Variants in GHR observed in about 807,000 individuals in gnomAD.
GHR encodes the protein GH receptor.
Under a neutral mutation model 67.1 loss-of-function variants are expected in GHR, and 35 were observed. The ratio of observed to expected loss-of-function variants is 0.52; its 90% CI spans 0.40 to 0.69. GHR has a LOEUF of 0.69. Among genes scored for constraint, GHR ranks in the 30% least tolerant of loss-of-function variants. The pLI is 0.00. For synonymous variants in GHR, 272 were observed against 269.1 expected (o/e 1.01, Z -0.10); for missense variants, 792 against 764.6 (o/e 1.04, Z -0.42).
chr5:42,519,067 G>A (rs1339805198), intron 1 of GHR, among the ~76,000 whole-genome samples: 1 of 152,142 alleles, frequency 6.6e-6, no homozygotes, highest in East Asian at 1.9e-4. Flanking sequence ...AGACCTCACT[G>A]AAACCAGATG....
intron 1 of GHR, among the ~76,000 whole-genome samples, chr5:42,535,639 G>C (rs555111608): frequency 6.6e-6 from 1 of 151,982 alleles, no homozygotes; most frequent in East Asian, 1.9e-4. Context: ...TGGATATGCA[G>C]GCTCTTTTTT....
chr5:42,493,988 TA>T (rs1345718211), intron 1 of GHR, among the ~76,000 whole-genome samples: 1 of 152,140 alleles, frequency 6.6e-6, no homozygotes, highest in East Asian at 1.9e-4. Flanking sequence ...AAATGAACCT[TA>T]AAGCTTCTTG....
intron 1 of GHR, among the ~76,000 whole-genome samples, chr5:42,527,845 A>T (rs554829167): frequency 6.6e-6 from 1 of 152,344 alleles, no homozygotes; most frequent in East Asian, 1.9e-4. Flanking sequence ...AGCTGAAATC[A>T]TACAATTTCA....
At chr5:42,627,428 G>C (rs1457781302) in intron 2 of GHR, among the ~76,000 whole-genome samples, 2 of 152,172 alleles carry the variant, frequency 1.3e-5, no homozygotes, top group African/African-American at 4.8e-5. Context: ...TTTTTAAAAG[G>C]GGGATTATTA....
intron 1 of GHR, among the ~76,000 whole-genome samples, chr5:42,551,098 T>C (rs1749006908): frequency 6.6e-6 from 1 of 152,216 alleles, no homozygotes; most frequent in African/African-American, 2.4e-5. Context: ...ATGTCACATG[T>C]TTCTGCTCAT....
intron 2 of GHR, among the ~76,000 whole-genome samples, chr5:42,570,307 T>C (rs935811367): frequency 5.3e-5 from 8 of 152,214 alleles, no homozygotes; most frequent in African/African-American, 1.9e-4. Context: ...TGGTGTGTTC[T>C]AGTGCAATGG....
rs1554021413 is a variant in GHR, at chr5:42,576,099, TAAATA to T, written c.70+10196_70+10200del. 4.7e-3 allele frequency among the ~76,000 whole-genome samples: 326 copies of T among 69,172 alleles called. 12 individuals carry two copies. Among genetic ancestry groups the T allele is most frequent in the African/African-American group, 0.016 (271 of 17,386 alleles). The allele number at this position is 69,172 out of a possible 152,430, so 45.4% of individuals were successfully genotyped here. Reference sequence around the variant, plus strand: ...TAAAATAAAATAAAATAAAATAAAATAAATAAAATAAAATAAAATAAAATAAAATA... The same window carrying T: ...TAAAATAAAATAAAATAAAATAAAATAAATAAAATAAAATAAAATAAAATA... On this transcript the variant is annotated intron_variant, in intron 2 of 9. Coordinates refer to ENST00000230882, the MANE Select transcript of GHR (RefSeq NM_000163.5).
chr5:42,616,620 A>G (rs1419963950), intron 2 of GHR, among the ~76,000 whole-genome samples: 1 of 152,026 alleles, frequency 6.6e-6, no homozygotes, highest in Non-Finnish European at 1.5e-5. Flanking sequence ...ATTTGGAACC[A>G]TCAATGTGTA....
chr5:42,633,674 T>C (rs893973213), intron 3 of GHR, among the ~76,000 whole-genome samples: 1 of 152,156 alleles, frequency 6.6e-6, no homozygotes, highest in African/African-American at 2.4e-5. Context: ...CTATAGTAGC[T>C]CCAAACTCTT....
chr5:42,712,217 A>C (rs1260629628), intron 7 of GHR, among the ~76,000 whole-genome samples: 2 of 152,104 alleles, frequency 1.3e-5, no homozygotes, highest in Non-Finnish European at 1.5e-5. Flanking sequence ...GTAGAATCTC[A>C]TGATACTAAA....
chr5:42,598,894 AT>A (rs1752219851), intron 2 of GHR, among the ~76,000 whole-genome samples: 1 of 152,252 alleles, frequency 6.6e-6, no homozygotes, highest in East Asian at 1.9e-4. Flanking sequence ...TCTTGAGAAC[AT>A]TTTTAAAGGA....
At chr5:42,579,133 AG>A (rs1750978785) in intron 2 of GHR, among the ~76,000 whole-genome samples, 2 of 59,090 alleles carry the variant, frequency 3.4e-5, no homozygotes, top group African/African-American at 1.4e-4. Context: ...ATAGATAGAT[AG>A]ATAGATGATA....
At chr5:42,549,101 GA>G (rs1748884507) in intron 1 of GHR, among the ~76,000 whole-genome samples, 2 of 152,232 alleles carry the variant, frequency 1.3e-5, no homozygotes, top group Non-Finnish European at 2.9e-5. Flanking sequence ...GAAGGAAAGA[GA>G]AATAGGGCTT....
chr5:42,482,600 C>T (rs868276727), intron 1 of GHR, among the ~76,000 whole-genome samples: 2 of 152,086 alleles, frequency 1.3e-5, no homozygotes, highest in Non-Finnish European at 2.9e-5. Flanking sequence ...CCTCCCCCAG[C>T]CTCGCTGCCG....
intron 1 of GHR, among the ~76,000 whole-genome samples, chr5:42,428,468 T>C (rs1742949656): frequency 6.6e-6 from 1 of 152,348 alleles, no homozygotes; most frequent in South Asian, 2.1e-4. Flanking sequence ...ATTGTCTTGG[T>C]GACCAACATT....
chr5:42,457,732 G>T (rs1449022062), intron 1 of GHR, among the ~76,000 whole-genome samples: 3 of 151,996 alleles, frequency 2.0e-5, no homozygotes, highest in Non-Finnish European at 4.4e-5. Context: ...TGGCTATATT[G>T]TTACTGTCTT....
chr5:42,480,061 T>C (rs1290618330), intron 1 of GHR, among the ~76,000 whole-genome samples: 2 of 152,364 alleles, frequency 1.3e-5, no homozygotes, highest in Non-Finnish European at 2.9e-5. Context: ...GCTTTGAATG[T>C]GTCCCAGAGA....
chr5:42,479,954 T>C (rs1353806446), intron 1 of GHR, among the ~76,000 whole-genome samples: 2 of 152,118 alleles, frequency 1.3e-5, no homozygotes, highest in African/African-American at 4.8e-5. Context: ...GCTCTTGCTT[T>C]TCTAGTTCTT....
At chr5:42,650,356 G>A (rs934567043) in intron 3 of GHR, among the ~76,000 whole-genome samples, 1 of 151,970 alleles carries the variant, frequency 6.6e-6, no homozygotes, top group African/African-American at 2.4e-5. Flanking sequence ...GTACCAACCA[G>A]TTCTAGATAA....
Sources: gnomAD v4.1 joint callset for allele counts (sites outside exome capture counted in the v4.1 genomes callset) on GRCh38, gnomAD v4.1.1 for gene constraint, MANE v1.5 for transcripts, NCBI Gene and HGNC (gene_info 2026-07-23, HGNC 2026-07-21) for gene names.